MACROD2: variants seen among roughly 807,000 people sequenced by gnomAD.
MACROD2 encodes ADP-ribose glycohydrolase MACROD2.
A neutral mutation model predicts 70.4 loss-of-function variants in MACROD2; 36 were observed. That is an observed-to-expected ratio of 0.51 (90% confidence interval 0.39 to 0.68). The LOEUF (loss-of-function observed/expected upper bound fraction) is 0.68. Ranked by LOEUF, MACROD2 falls within the 30% of genes least tolerant of loss-of-function variation. The pLI is 0.00. For missense variants in MACROD2, 496 were observed against 538.4 expected, an observed-to-expected ratio of 0.92 and a Z score of 0.78; for synonymous variants, 172 against 178.8, an observed-to-expected ratio of 0.96 and a Z score of 0.30.
At chr20:15,457,083 A>AG (rs373996152) in intron 7 of MACROD2, among the ~76,000 whole-genome samples, 38 of 147,074 alleles carry the variant, frequency 2.6e-4, no homozygotes, top group Non-Finnish European at 3.9e-4. Context: ...TTTAAAAAAA[A>AG]AGCATTTGAC....
intron 5 of MACROD2, among the ~76,000 whole-genome samples, chr20:15,163,308 A>G (rs2076361227): frequency 6.6e-6 from 1 of 151,976 alleles, no homozygotes; most frequent in South Asian, 2.1e-4. Flanking sequence ...ATTCAGGAAA[A>G]AAAAAGAACT....
chr20:14,734,760 A>G (rs550219608), intron 5 of MACROD2, among the ~76,000 whole-genome samples: 2 of 152,194 alleles, frequency 1.3e-5, no homozygotes, highest in East Asian at 3.9e-4. Context: ...ACAGTAGTCA[A>G]AACAGCTTGG....
chr20:15,867,398 G>A (rs1045604426), intron 9 of MACROD2, among the ~76,000 whole-genome samples: 10 of 152,074 alleles, frequency 6.6e-5, no homozygotes, highest in Non-Finnish European at 1.2e-4. Flanking sequence ...TCTTGCTGTG[G>A]GGTAAAGCAC....
chr20:16,017,623 T>C (rs1212426262), intron 15 of MACROD2, among the ~76,000 whole-genome samples: 1 of 152,194 alleles, frequency 6.6e-6, no homozygotes, highest in East Asian at 1.9e-4. Context: ...TTTCACCTCC[T>C]TGAATAAGCC....
intron 7 of MACROD2, among the ~76,000 whole-genome samples, chr20:15,464,221 G>T (rs1249738531): frequency 2.6e-5 from 4 of 152,046 alleles, no homozygotes; most frequent in African/African-American, 4.8e-5. Context: ...TCCCTGTGTT[G>T]CCCAGGCTAG....
chr20:15,923,867 T>A (rs1336914905), intron 10 of MACROD2, among the ~76,000 whole-genome samples: 1 of 152,242 alleles, frequency 6.6e-6, no homozygotes, highest in Non-Finnish European at 1.5e-5. Context: ...TTTATTCTGG[T>A]ACAATGTCAA....
At chr20:14,877,196 A>G (rs1296438528) in intron 5 of MACROD2, among the ~76,000 whole-genome samples, 1 of 151,790 alleles carries the variant, frequency 6.6e-6, no homozygotes, top group Admixed American at 6.6e-5. Context: ...TTTCCTAGGT[A>G]TTTTATTTTT....
At chr20:14,044,085 T>C (rs2053431978) in intron 2 of MACROD2, among the ~76,000 whole-genome samples, 1 of 152,112 alleles carries the variant, frequency 6.6e-6, no homozygotes, top group Non-Finnish European at 1.5e-5. Context: ...TCGCGGTGAG[T>C]GTTACAGTTC....
chr20:15,808,156 C>T (rs2063786335), intron 8 of MACROD2, among the ~76,000 whole-genome samples: 1 of 152,178 alleles, frequency 6.6e-6, no homozygotes, highest in African/African-American at 2.4e-5. Flanking sequence ...GGGAGCTCGG[C>T]TCTTGAGACA....
intron 3 of MACROD2, among the ~76,000 whole-genome samples, chr20:14,376,050 A>G (rs1310981443): frequency 2.0e-5 from 3 of 152,210 alleles, no homozygotes; most frequent in Non-Finnish European, 4.4e-5. Flanking sequence ...GACTTTCAGA[A>G]TCTGAAATAG....
At chr20:15,211,123 C>CTCCTTGAT (rs1477476457) in intron 5 of MACROD2, among the ~76,000 whole-genome samples, 1 of 152,014 alleles carries the variant, frequency 6.6e-6, no homozygotes, top group Admixed American at 6.6e-5. Context: ...CACTCCTTGA[C>CTCCTTGAT]AACCATTAAT....
intron 8 of MACROD2, among the ~76,000 whole-genome samples, chr20:15,806,301 A>G (rs1476693222): frequency 6.6e-6 from 1 of 152,152 alleles, no homozygotes; most frequent in African/African-American, 2.4e-5. Context: ...GCAGCTAGTG[A>G]CAGCCTCATT....
intron 3 of MACROD2, among the ~76,000 whole-genome samples, chr20:14,312,778 C>A (rs1403295149): frequency 6.6e-6 from 1 of 152,166 alleles, no homozygotes; most frequent in Non-Finnish European, 1.5e-5. Flanking sequence ...TTACGAAAGG[C>A]AAATTCAGAG....
At chr20:15,305,951 TCA>T (rs758962403) in intron 6 of MACROD2, among the ~76,000 whole-genome samples, 3 of 152,210 alleles carry the variant, frequency 2.0e-5, no homozygotes, top group Non-Finnish European at 4.4e-5. Flanking sequence ...TCTCATTACT[TCA>T]CAATGTGAAT....
chr20:14,378,413 C>T (rs908813848), intron 3 of MACROD2, among the ~76,000 whole-genome samples: 3 of 152,104 alleles, frequency 2.0e-5, no homozygotes, highest in Non-Finnish European at 4.4e-5. Context: ...CATAAAATGA[C>T]AGGTTAATGC....
At chr20:15,981,526 G>A (rs889221659) in intron 13 of MACROD2, among the ~76,000 whole-genome samples, 1 of 152,072 alleles carries the variant, frequency 6.6e-6, no homozygotes, top group Non-Finnish European at 1.5e-5. Context: ...GCTTCTTATG[G>A]CCATTGATCT....
At chr20:14,712,347 A>T (rs985583251) in intron 5 of MACROD2, among the ~76,000 whole-genome samples, 1 of 152,202 alleles carries the variant, frequency 6.6e-6, no homozygotes, top group Non-Finnish European at 1.5e-5. Flanking sequence ...GAGTCTTGGT[A>T]AACAGCCAAC....
At chr20:14,068,515 A>G (rs1569144147) in intron 2 of MACROD2, among the ~76,000 whole-genome samples, 1 of 152,170 alleles carries the variant, frequency 6.6e-6, no homozygotes, top group South Asian at 2.1e-4. Flanking sequence ...GATATGATAA[A>G]TGTCATGAGG....
At chr20:15,234,740 T>G (rs1176809255) in intron 6 of MACROD2, among the ~76,000 whole-genome samples, 1 of 152,134 alleles carries the variant, frequency 6.6e-6, no homozygotes, top group Non-Finnish European at 1.5e-5. Context: ...AAAATCTTGG[T>G]GAAATCTCGG....
Sources: allele counts gnomAD v4.1 joint callset (sites outside exome capture counted in the v4.1 genomes callset), GRCh38; gene constraint gnomAD v4.1.1; transcripts MANE v1.5; gene names NCBI Gene and HGNC (gene_info 2026-07-23, HGNC 2026-07-21).